The following NYAP2 variants were observed in gnomAD, a reference collection of about 807,000 sequenced individuals.
The protein encoded by NYAP2 is neuronal tyrosine-phosphorylated phosphoinositide-3-kinase adaptor 2.
In NYAP2, 23 loss-of-function variants were observed where a neutral mutation model predicts 50.4. The observed-to-expected ratio is 0.46, with a 90% CI of 0.33 to 0.65. NYAP2 has a LOEUF of 0.65. NYAP2 is among the 30% of genes least tolerant of loss of function. The pLI, the probability that NYAP2 is intolerant of heterozygous loss-of-function variation, is 0.02. For missense variants in NYAP2, 885 were observed against 861.0 expected, an observed-to-expected ratio of 1.03 and a Z score of -0.35; for synonymous variants, 394 against 365.2, an observed-to-expected ratio of 1.08 and a Z score of -0.90.
chr2:225,690,035 C>T, the NYAP2 span, among the ~76,000 whole-genome samples: 114 of 152,128 alleles, frequency 7.5e-4, 1 homozygote, highest in Admixed American at 2.6e-3. Flanking sequence ...TAGCTTCATT[C>T]GGCCTTCATA....
intron 3 of NYAP2, among the ~76,000 whole-genome samples, chr2:225,409,593 A>G (rs1323604865): frequency 6.6e-6 from 1 of 151,986 alleles, no homozygotes; most frequent in Non-Finnish European, 1.5e-5. Context: ...CCCTATGCAG[A>G]CTTTTATGGC....
chr2:225,522,687 G>T (rs929105890), intron 4 of NYAP2, among the ~76,000 whole-genome samples: 1 of 152,098 alleles, frequency 6.6e-6, no homozygotes, highest in African/African-American at 2.4e-5. Flanking sequence ...GAACACAAAT[G>T]GTCCTTTCTT....
chr2:225,546,089 C>T (rs1339390408), intron 4 of NYAP2, among the ~76,000 whole-genome samples: 1 of 152,090 alleles, frequency 6.6e-6, no homozygotes, highest in Non-Finnish European at 1.5e-5. Flanking sequence ...GTGACACAAA[C>T]ACCCCTGTGG....
At chr2:225,534,507 T>G (rs1021464324) in intron 4 of NYAP2, among the ~76,000 whole-genome samples, 3 of 152,224 alleles carry the variant, frequency 2.0e-5, no homozygotes, top group African/African-American at 7.2e-5. Context: ...AAGCAGTTGA[T>G]AAATCATAAA....
At chr2:225,616,056 T>A (rs1199382921) in intron 5 of NYAP2, among the ~76,000 whole-genome samples, 1 of 152,238 alleles carries the variant, frequency 6.6e-6, no homozygotes, top group African/African-American at 2.4e-5. Context: ...TTTTTACACC[T>A]GTAAAGTGAT....
chr2:225,527,415 T>C (rs1001352136), intron 4 of NYAP2, among the ~76,000 whole-genome samples: 18 of 152,240 alleles, frequency 1.2e-4, no homozygotes, highest in Admixed American at 1.0e-3. Flanking sequence ...CAATCTAGGG[T>C]GTCAGCTGAA....
rs1191324402 is a variant in NYAP2, at chr2:225,582,123, G to A, written c.706G>A (p.Gly236Arg). Residue 236 changes from glycine to arginine, a missense_variant, in exon 5 of 7, where the codon GGA becomes AGA. Physicochemically the swap from Gly to Arg is moderately radical, Grantham distance 125. Transcript: ENST00000636099. This position sits in a 1 kb window ranked among gnomAD's most constrained non-coding sequence, Gnocchi z 7.0. ...CTTGTCCCAGATGGGCAGCCCCGCG[G>A]GAGACCCCGAGGAAGAGGAGCCCGT... is the stretch of plus-strand genomic sequence containing the variant. The A allele has an allele frequency of 1.2e-6, 2 of 1,613,844 alleles. No individual in the cohort carries two copies. The highest frequency in any genetic ancestry group is 2.7e-5 in the African/African-American group (2 of 74,948).
At chr2:225,427,534 C>A (rs191582802) in intron 3 of NYAP2, among the ~76,000 whole-genome samples, 140 of 152,292 alleles carry the variant, frequency 9.2e-4, no homozygotes, top group Non-Finnish European at 1.4e-3. Context: ...ACGTCTGTGT[C>A]CTTTCCATCA....
chr2:225,644,066 T>A (rs1574727247), intron 6 of NYAP2, among the ~76,000 whole-genome samples: 1 of 149,398 alleles, frequency 6.7e-6, no homozygotes, highest in Non-Finnish European at 1.5e-5. Context: ...ACCAACAGTG[T>A]AAAAGTGTTC....
intron 4 of NYAP2, among the ~76,000 whole-genome samples, chr2:225,534,850 G>C: frequency 6.6e-6 from 1 of 152,258 alleles, no homozygotes; most frequent in East Asian, 1.9e-4. Context: ...GGCTGAGTCA[G>C]AGTAGCCTCT....
chr2:225,672,809 A>AG, the NYAP2 span, among the ~76,000 whole-genome samples: 1 of 151,602 alleles, frequency 6.6e-6, no homozygotes, highest in Admixed American at 6.6e-5. Flanking sequence ...TGAGGAGAGG[A>AG]AGAGATGGGG....
intron 3 of NYAP2, among the ~76,000 whole-genome samples, chr2:225,512,855 TCC>T (rs879606121): frequency 0.15 from 12,704 of 83,292 alleles, 845 homozygotes; most frequent in East Asian, 0.22. Context: ...CTTTCTTTCT[TCC>T]TTCCTTCCTT....
intron 5 of NYAP2, among the ~76,000 whole-genome samples, chr2:225,597,104 G>T (rs1335740700): frequency 6.6e-6 from 1 of 151,912 alleles, no homozygotes; most frequent in East Asian, 1.9e-4. Flanking sequence ...TAATGTCCTG[G>T]GGTTAAAAAA....
At chr2:225,638,657 C>T (rs770048916) in intron 6 of NYAP2, among the ~76,000 whole-genome samples, 3 of 152,092 alleles carry the variant, frequency 2.0e-5, no homozygotes, top group Non-Finnish European at 4.4e-5. Flanking sequence ...GATGGCCAAC[C>T]AATCAGAGGA....
chr2:225,405,133 G>A (rs1002414677), intron 2 of NYAP2, among the ~76,000 whole-genome samples: 7 of 151,982 alleles, frequency 4.6e-5, no homozygotes, highest in African/African-American at 1.7e-4. Flanking sequence ...AGCAAAAATG[G>A]CAACAGACTC....
intron 3 of NYAP2, 94 bp downstream of exon 3, chr2:225,409,195 T>A: frequency 2.2e-6 from 2 of 895,006 alleles, no homozygotes; most frequent in Admixed American, 2.5e-5. Context: ...TCAGAAAAGG[T>A]CTTCCAGAGT....
intron 4 of NYAP2, among the ~76,000 whole-genome samples, chr2:225,567,004 G>C (rs1227421928): frequency 6.6e-6 from 1 of 152,038 alleles, no homozygotes; most frequent in Non-Finnish European, 1.5e-5. Flanking sequence ...TGTGTCATTA[G>C]GCAATTTCGT....
chr2:225,647,114 T>G (rs937822156), intron 6 of NYAP2, among the ~76,000 whole-genome samples: 3 of 152,128 alleles, frequency 2.0e-5, no homozygotes, highest in South Asian at 2.1e-4. Flanking sequence ...GGAAAAAATC[T>G]CTATAGTAAA....
intron 3 of NYAP2, among the ~76,000 whole-genome samples, chr2:225,432,617 C>T (rs1264925287): frequency 1.3e-5 from 2 of 151,996 alleles, no homozygotes; most frequent in East Asian, 3.9e-4. Context: ...ATATCTAATT[C>T]TGCTCTGTAC....
Sources: allele counts gnomAD v4.1 joint callset (sites outside exome capture counted in the v4.1 genomes callset), GRCh38; gene constraint gnomAD v4.1.1; non-coding constraint Gnocchi (gnomAD v3.1); transcripts MANE v1.5; gene names NCBI Gene and HGNC (gene_info 2026-07-23, HGNC 2026-07-21).